LMX1A: variants seen among roughly 807,000 people sequenced by gnomAD.
LMX1A encodes LIM homeobox transcription factor 1 alpha.
LMX1A carries 15 observed loss-of-function variants against 49.1 expected under a neutral mutation model. The observed-to-expected ratio is 0.31, with a 90% CI of 0.20 to 0.47. LMX1A has a LOEUF of 0.47. Ranked by LOEUF, LMX1A falls within the 20% of genes least tolerant of loss-of-function variation. The probability of loss-of-function intolerance (pLI) is 1.00; values close to 1 mark genes in which losing one functional copy is unlikely to be tolerated. For missense variants in LMX1A, 372 were observed against 475.8 expected (o/e 0.78, Z 2.03); for synonymous variants, 167 against 185.7 (o/e 0.90, Z 0.82).
intron 4 of LMX1A, among the ~76,000 whole-genome samples, chr1:165,247,189 A>G (rs545771760): frequency 6.6e-6 from 1 of 150,958 alleles, no homozygotes; most frequent in Non-Finnish European, 1.5e-5. Context: ...TTAGTGATTA[A>G]GCCTCCAGAC....
intron 3 of LMX1A, among the ~76,000 whole-genome samples, chr1:165,287,077 A>C (rs1379115907): frequency 1.3e-5 from 2 of 152,172 alleles, no homozygotes; most frequent in East Asian, 3.9e-4. Context: ...ACAGTCCCCT[A>C]TTATGCTTGA....
chr1:165,347,233 G>C, intron 3 of LMX1A, among the ~76,000 whole-genome samples: 1 of 152,176 alleles, frequency 6.6e-6, no homozygotes, highest in East Asian at 1.9e-4. Context: ...TCTGATATTT[G>C]CTCCAGAACC....
At chr1:165,349,810 G>T (rs972877835) in intron 3 of LMX1A, among the ~76,000 whole-genome samples, 1 of 152,176 alleles carries the variant, frequency 6.6e-6, no homozygotes, top group Admixed American at 6.5e-5. Context: ...TTGAGAGAAT[G>T]AAATTTTAAC....
At chr1:165,239,155 C>A (rs1031273981) in intron 4 of LMX1A, among the ~76,000 whole-genome samples, 3 of 152,178 alleles carry the variant, frequency 2.0e-5, no homozygotes, top group Admixed American at 2.0e-4. Flanking sequence ...ACACAGATAA[C>A]ACACTATTGC....
chr1:165,258,603 G>C (rs901986960), intron 3 of LMX1A, among the ~76,000 whole-genome samples: 3 of 152,212 alleles, frequency 2.0e-5, no homozygotes, highest in African/African-American at 7.2e-5. Context: ...TGGGATGAAC[G>C]AGTGGGAGTG....
chr1:165,331,592 G>A (rs1403297725), intron 3 of LMX1A, among the ~76,000 whole-genome samples: 1 of 152,174 alleles, frequency 6.6e-6, no homozygotes, highest in Non-Finnish European at 1.5e-5. Context: ...TGAACTTAAA[G>A]ATAGATAAAT....
At chr1:165,204,170 T>C in intron 8 of LMX1A, 130 bp from the exon 9 acceptor site, 1 of 943,870 alleles carries the variant, frequency 1.1e-6, no homozygotes, top group Non-Finnish European at 1.6e-6. Context: ...ACAAAAAGTC[T>C]ATATTCTCTT....
At chr1:165,250,663 T>C (rs1653024577) in intron 3 of LMX1A, among the ~76,000 whole-genome samples, 1 of 152,178 alleles carries the variant, frequency 6.6e-6, no homozygotes, top group Non-Finnish European at 1.5e-5. Context: ...GCTAGTGATA[T>C]GAAGATGAAT....
chr1:165,209,992 G>C (rs1449362591), intron 6 of LMX1A, among the ~76,000 whole-genome samples: 1 of 152,232 alleles, frequency 6.6e-6, no homozygotes, highest in Non-Finnish European at 1.5e-5. Context: ...CTGCACAATT[G>C]ATTGCTTGCT....
chr1:165,341,237 G>A (rs1311562702), intron 3 of LMX1A, among the ~76,000 whole-genome samples: 1 of 152,150 alleles, frequency 6.6e-6, no homozygotes. Context: ...TGCTCTTGAT[G>A]TTGTGGCACC....
At chr1:165,291,714 A>C (rs1199576118) in intron 3 of LMX1A, among the ~76,000 whole-genome samples, 1 of 152,204 alleles carries the variant, frequency 6.6e-6, no homozygotes, top group Non-Finnish European at 1.5e-5. Context: ...TTACTTTCTT[A>C]AGATCATACA....
At chr1:165,282,827 T>A (rs2101707492) in intron 3 of LMX1A, among the ~76,000 whole-genome samples, 1 of 152,316 alleles carries the variant, frequency 6.6e-6, no homozygotes, top group East Asian at 1.9e-4. Flanking sequence ...GCTACCTCCA[T>A]CCCTTGCCTT....
chr1:165,270,354 G>GA (rs1653758321), intron 3 of LMX1A, among the ~76,000 whole-genome samples: 1 of 152,176 alleles, frequency 6.6e-6, no homozygotes, highest in Non-Finnish European at 1.5e-5. Context: ...TGGGTACACT[G>GA]AAAACAAGGG....
Position 165,298,179 on chromosome 1 carries a change from C to A in LMX1A, c.264-48539G>T, listed in dbSNP as rs555561093. 3.9e-5 allele frequency among the ~76,000 whole-genome samples: 6 copies of A among 152,284 alleles called. No individual in the cohort carries two copies. The East Asian group carries it at 1.2e-3, about 29-fold the overall frequency. On this transcript the variant is annotated intron_variant, in intron 3 of 8. Transcript: ENST00000342310. Reference sequence around the variant, plus strand: ...GATTCTCTTTCTGCTCATTAGAGCCCGCCAGCGCCTCAGTGCAGGTGTGCT... The same window carrying A: ...GATTCTCTTTCTGCTCATTAGAGCCAGCCAGCGCCTCAGTGCAGGTGTGCT...
chr1:165,262,959 C>T (rs1473194228), intron 3 of LMX1A, among the ~76,000 whole-genome samples: 1 of 152,088 alleles, frequency 6.6e-6, no homozygotes. Context: ...GTGTTTAGTC[C>T]TCATTGTACT....
intron 3 of LMX1A, among the ~76,000 whole-genome samples, chr1:165,283,875 T>C (rs996423181): frequency 1.3e-5 from 2 of 152,210 alleles, no homozygotes; most frequent in East Asian, 3.9e-4. Flanking sequence ...CAATATGCCA[T>C]GTATCACAAG....
intron 4 of LMX1A, among the ~76,000 whole-genome samples, chr1:165,246,997 A>G (rs1156420867): frequency 6.9e-6 from 1 of 144,382 alleles, no homozygotes; most frequent in Non-Finnish European, 1.5e-5. Flanking sequence ...GTTCCCTGGT[A>G]CTGAGCATTA....
At chr1:165,351,218 A>G (rs2101772926) in intron 3 of LMX1A, among the ~76,000 whole-genome samples, 1 of 152,150 alleles carries the variant, frequency 6.6e-6, no homozygotes. Context: ...ATCCTTTCCT[A>G]AGCCCCAATA....
At chr1:165,254,388 A>G (rs1653158654) in intron 3 of LMX1A, among the ~76,000 whole-genome samples, 1 of 152,168 alleles carries the variant, frequency 6.6e-6, no homozygotes, top group South Asian at 2.1e-4. Context: ...TGGGGATTAC[A>G]GACCAGGAAG....
Sources: gnomAD v4.1 joint callset for allele counts (sites outside exome capture counted in the v4.1 genomes callset) on GRCh38, gnomAD v4.1.1 for gene constraint, MANE v1.5 for transcripts, NCBI Gene and HGNC (gene_info 2026-07-23, HGNC 2026-07-21) for gene names.